Variants in ASIC2 observed in about 807,000 individuals in gnomAD.
ASIC2 encodes the protein acid-sensing ion channel 2.
Under a neutral mutation model 57.3 loss-of-function variants are expected in ASIC2, and 25 were observed. The ratio of observed to expected loss-of-function variants is 0.44; its 90% CI spans 0.32 to 0.61. The LOEUF is 0.61. ASIC2 is among the 20% of genes least tolerant of loss of function. The pLI is 0.06. For missense variants in ASIC2, 641 were observed against 738.1 expected (o/e 0.87, Z 1.52); for synonymous variants, 319 against 307.5 (o/e 1.04, Z -0.39).
chr17:33,350,499 A>C (rs1908120393), intron 1 of ASIC2, among the ~76,000 whole-genome samples: 1 of 151,924 alleles, frequency 6.6e-6, no homozygotes, highest in African/African-American at 2.4e-5. Flanking sequence ...GGCCAACAGG[A>C]CGAAACCCCG....
intron 1 of ASIC2, among the ~76,000 whole-genome samples, chr17:33,978,501 A>G (rs16969065): frequency 0.029 from 4,342 of 152,332 alleles, 94 homozygotes; most frequent in Non-Finnish European, 0.044. Context: ...TCCAAGGTCC[A>G]GGTTACTTTC....
At chr17:33,530,202 T>G (rs1467701146) in intron 1 of ASIC2, 1 of 152,132 alleles carries the variant, frequency 6.6e-6, no homozygotes, top group African/African-American at 2.4e-5. Context: ...CCAGTGTCTG[T>G]GAGTAGAAAG....
intron 1 of ASIC2, among the ~76,000 whole-genome samples, chr17:34,030,078 T>A (rs1202723509): frequency 6.6e-6 from 1 of 152,216 alleles, no homozygotes; most frequent in Non-Finnish European, 1.5e-5. Context: ...CTACTACTAG[T>A]GTCCATTTGC....
chr17:33,040,889 G>A (rs2091927262), intron 3 of ASIC2, among the ~76,000 whole-genome samples: 2 of 152,256 alleles, frequency 1.3e-5, no homozygotes, highest in South Asian at 4.2e-4. Flanking sequence ...TACCTTGTTG[G>A]GGGCCTCAGA....
intron 1 of ASIC2, among the ~76,000 whole-genome samples, chr17:33,905,463 C>T (rs577233885): frequency 1.5e-4 from 23 of 152,188 alleles, no homozygotes; most frequent in Non-Finnish European, 3.1e-4. Context: ...TCTTCCCTTG[C>T]ATCATAGCTT....
chr17:33,224,395 G>T (rs955272935), intron 1 of ASIC2, among the ~76,000 whole-genome samples: 2 of 152,222 alleles, frequency 1.3e-5, no homozygotes, highest in Non-Finnish European at 2.9e-5. Flanking sequence ...GGAGCAGAAG[G>T]TGGCAGAGAG....
chr17:33,841,803 G>A (rs1170469578), intron 1 of ASIC2, among the ~76,000 whole-genome samples: 1 of 152,114 alleles, frequency 6.6e-6, no homozygotes, highest in Non-Finnish European at 1.5e-5. Flanking sequence ...ACCTCAATAG[G>A]GAAGGCACCA....
intron 3 of ASIC2, among the ~76,000 whole-genome samples, chr17:33,066,233 G>A (rs926788778): frequency 6.6e-6 from 1 of 152,222 alleles, no homozygotes; most frequent in East Asian, 1.9e-4. Context: ...AGGGCTGAGA[G>A]AGAACAACTT....
intron 1 of ASIC2, among the ~76,000 whole-genome samples, chr17:33,994,167 C>T (rs1906084474): frequency 6.6e-6 from 1 of 152,182 alleles, no homozygotes; most frequent in Admixed American, 6.5e-5. Flanking sequence ...GTATCAGGGT[C>T]CCGTGCCCCA....
intron 1 of ASIC2, among the ~76,000 whole-genome samples, chr17:34,110,224 G>A (rs1441127631): frequency 1.3e-5 from 2 of 152,136 alleles, no homozygotes; most frequent in African/African-American, 2.4e-5. Context: ...TGGGCTTATG[G>A]GCTGAACAAA....
intron 1 of ASIC2, among the ~76,000 whole-genome samples, chr17:33,350,907 G>C (rs184505735): frequency 6.6e-6 from 1 of 152,114 alleles, no homozygotes; most frequent in East Asian, 1.9e-4. Context: ...TCCTTAGAAC[G>C]ATCTCCAGGA....
chr17:33,491,534 A>T (rs1452490863), intron 1 of ASIC2, among the ~76,000 whole-genome samples: 2 of 152,242 alleles, frequency 1.3e-5, no homozygotes, highest in Non-Finnish European at 2.9e-5. Context: ...ATTTTTGCCG[A>T]ACACTGCATG....
chr17:33,840,923 A>T (rs1470026344), intron 1 of ASIC2, among the ~76,000 whole-genome samples: 4 of 152,140 alleles, frequency 2.6e-5, no homozygotes, highest in Non-Finnish European at 5.9e-5. Context: ...GTCATGAAGA[A>T]AGGAGTGGCT....
chr17:33,923,859 G>A (rs1235734011), intron 1 of ASIC2, among the ~76,000 whole-genome samples: 4 of 152,184 alleles, frequency 2.6e-5, no homozygotes, highest in Non-Finnish European at 5.9e-5. Context: ...GGGAGTTTGA[G>A]TCTTAGACTC....
chr17:33,067,370 T>C (rs1376370486), intron 3 of ASIC2, among the ~76,000 whole-genome samples: 1 of 152,122 alleles, frequency 6.6e-6, no homozygotes, highest in African/African-American at 2.4e-5. Context: ...GTTGGATTTG[T>C]ATATGAGTAG....
chr17:33,596,559 G>GC (rs1179184808), intron 1 of ASIC2, among the ~76,000 whole-genome samples: 1 of 152,048 alleles, frequency 6.6e-6, no homozygotes, highest in Non-Finnish European at 1.5e-5. Flanking sequence ...AAGTATCAGC[G>GC]CCCCCGGCCT....
chr17:33,211,329 T>C (rs778516450), intron 1 of ASIC2, among the ~76,000 whole-genome samples: 73 of 152,062 alleles, frequency 4.8e-4, no homozygotes, highest in African/African-American at 1.7e-3. Flanking sequence ...ATCATGTTGA[T>C]GGCTTCAAGT....
intron 1 of ASIC2, among the ~76,000 whole-genome samples, chr17:34,083,838 T>C (rs903603256): frequency 1.3e-5 from 2 of 152,270 alleles, no homozygotes; most frequent in Non-Finnish European, 2.9e-5. Flanking sequence ...AAGTGTCTGT[T>C]CAGGTCCTTC....
At chr17:33,124,960 AGG>A (rs1362354679) in intron 1 of ASIC2, among the ~76,000 whole-genome samples, 1 of 27,812 alleles carries the variant, frequency 3.6e-5, no homozygotes, top group Admixed American at 2.3e-4. Context: ...AGTTCACAAT[AGG>A]GTTCACGCTC....
Sources: gnomAD v4.1 joint callset for allele counts (sites outside exome capture counted in the v4.1 genomes callset) on GRCh38, gnomAD v4.1.1 for gene constraint, MANE v1.5 for transcripts, NCBI Gene and HGNC (gene_info 2026-07-23, HGNC 2026-07-21) for gene names.